The following PCDHGB6 variants were observed in gnomAD, a reference collection of about 807,000 sequenced individuals.
The protein encoded by PCDHGB6 is protocadherin gamma subfamily B, 6, also known as protocadherin gamma-B6.
In PCDHGB6, 51 loss-of-function variants were observed where a neutral mutation model predicts 59.1. The ratio of observed to expected loss-of-function variants is 0.86; its 90% CI spans 0.69 to 1.09. The LOEUF (loss-of-function observed/expected upper bound fraction) is 1.09. PCDHGB6 is among the 50% of genes least tolerant of loss of function. The pLI is 0.00. For synonymous variants in PCDHGB6, 466 were observed against 495.1 expected (o/e 0.94, Z 0.78); for missense variants, 1,148 against 1,205.1 (o/e 0.95, Z 0.70).
chr5:141,416,615 C>T (rs1156238298), intron 1 of PCDHGB6: 1 of 152,088 alleles, frequency 6.6e-6, no homozygotes, highest in Non-Finnish European at 1.5e-5. Context: ...AATGCCATTT[C>T]TGCAGATCAG....
In PCDHGB6 at chr5:141,462,383, G is replaced by A. The variant is rs78537075; in HGVS notation, c.2419-32424G>A. Among the ~76,000 whole-genome samples the A allele has an allele frequency of 5.6e-4, 85 of 151,920 alleles. 1 individual carries two copies. In the East Asian group the frequency reaches 0.016, roughly 29 times the overall value. ...GTATAGTTTCTATTCTTTTAAATTC[G>A]TTAACATTTCTTTTATGGCACAGAA... On this transcript the variant is annotated intron_variant, in intron 1 of 3. Transcript: ENST00000520790.
In PCDHGB6 at chr5:141,476,254, T is replaced by C; in HGVS notation, c.2419-18553T>C. 1.2e-6 allele frequency: 2 copies of C among 1,613,820 alleles called. No individual in the cohort carries two copies. Among genetic ancestry groups the C allele is most frequent in the Non-Finnish European group, 8.5e-7 (1 of 1,179,976 alleles). On this transcript the variant is annotated intron_variant, in intron 1 of 3. Transcript: ENST00000520790. The surrounding 1 kb of genome is among the most constrained non-coding windows in gnomAD (Gnocchi z 7.6). ...CGGAGGAAAGAGAGAAGGGTTTCGCTGTGGGCAACGTGGTCGCGAACCTTG... is the reference window on the plus strand; with the variant it reads ...CGGAGGAAAGAGAGAAGGGTTTCGCCGTGGGCAACGTGGTCGCGAACCTTG...
At position 141,432,476 on chromosome 5, in the gene PCDHGB6, A is replaced by T. The variant is rs778378071; in HGVS notation, c.2418+21856A>T. On this transcript the variant is annotated intron_variant, in intron 1 of 3. Transcript: ENST00000520790. This position sits in a 1 kb window ranked among gnomAD's most constrained non-coding sequence, Gnocchi z 6.0. ...CCCCGCCCTCCCCACGGACGGTTCC[A>T]CTGGCGTGGAGCTGGCTCCCCGCTC... 4.6e-5 allele frequency: 75 copies of T among 1,613,962 alleles called. No homozygotes were observed. In the South Asian group the frequency reaches 7.9e-4, roughly 17 times the overall value.
Position 141,410,196 on chromosome 5 carries a change from C to T in PCDHGB6, c.1994C>T (p.Ala665Val), listed in dbSNP as rs773310778. 1.9e-6 allele frequency: 3 copies of T among 1,613,984 alleles called. No homozygotes were observed. The highest frequency in any genetic ancestry group is 4.5e-5 in the East Asian group (2 of 44,870). Residue 665 changes from alanine (A) to valine (V), a missense_variant, in exon 1 of 4, where the codon GCA becomes GTA. Transcript: ENST00000520790. ...SATATLHLVF[A>V]DNLQEILPDL... is the part of the protein sequence containing the mutation. ...ACCGCCACGCTTCATCTGGTCTTCG[C>T]AGACAACTTGCAAGAGATACTGCCA...
chr5:141,423,636 C>A, intron 1 of PCDHGB6: 1 of 1,598,388 alleles, frequency 6.3e-7, no homozygotes, highest in Non-Finnish European at 8.5e-7. Context: ...TCATTTTAGG[C>A]AAATGTGACC....
chr5:141,423,078 C>A (rs752144906), intron 1 of PCDHGB6: 1 of 1,613,990 alleles, frequency 6.2e-7, no homozygotes, highest in Admixed American at 1.7e-5. Context: ...AGCCGGGACT[C>A]TTCGCGGTGG....
Position 141,408,972 on chromosome 5 carries a change from C to T in PCDHGB6, c.770C>T (p.Pro257Leu). The T allele has an allele frequency of 5.0e-6, 8 of 1,613,870 alleles. No homozygotes were observed. The highest frequency in any genetic ancestry group is 5.9e-6 in the Non-Finnish European group (7 of 1,179,868). Reference sequence around the variant, plus strand: ...ATTAGTCTTAGTGAAAATCTGCCCCCTGGGTCCCCTGTGTTGCAAGTGACA... The same window carrying T: ...ATTAGTCTTAGTGAAAATCTGCCCCTTGGGTCCCCTGTGTTGCAAGTGACA... The part of the protein sequence containing the change: ...YRISLSENLP[P>L]GSPVLQVTAT... The change falls in exon 1 of 4, where the codon CCT becomes CTT. Residue 257 changes from proline to leucine, a missense_variant. This residue lies in a region of PCDHGB6 where 307 missense variants were observed against 323.8 expected (regional missense o/e 0.95). Transcript: ENST00000520790.
Position 141,485,400 on chromosome 5 carries a change from G to A in PCDHGB6, c.2419-9407G>A. On this transcript the variant is annotated intron_variant, in intron 1 of 3. Transcript: ENST00000520790. The surrounding 1 kb of genome is among the most constrained non-coding windows in gnomAD (Gnocchi z 5.7). ...GGAGAGGTGAACCAAAGACACTTCC[G>A]TGTGGATTTGGACAGCGGAGCCCTG... is the stretch of plus-strand genomic sequence containing the variant. The A allele has an allele frequency of 6.2e-7, 1 of 1,614,076 alleles. No homozygotes were observed. The highest frequency in any genetic ancestry group is 8.5e-7 in the Non-Finnish European group (1 of 1,179,948).
At position 141,493,262 on chromosome 5, in the gene PCDHGB6, A is replaced by G. The variant is rs148431133; in HGVS notation, c.2419-1545A>G. ...GGTACTAACATGCCTCTCTTATAAC[A>G]GCTTCACAGAGGTCAAGTGACTTGC... is the stretch of plus-strand genomic sequence containing the variant. On this transcript the variant is annotated intron_variant, in intron 1 of 3. Transcript: ENST00000520790. This position sits in a 1 kb window ranked among gnomAD's most constrained non-coding sequence, Gnocchi z 4.3. 5.1e-4 allele frequency among the ~76,000 whole-genome samples: 78 copies of G among 152,302 alleles called. No homozygotes were observed. Among genetic ancestry groups the G allele is most frequent in the African/African-American group, 1.7e-3 (72 of 41,574 alleles).
In PCDHGB6 at chr5:141,486,563, G is replaced by A. The variant is rs558244990; in HGVS notation, c.2419-8244G>A. The A allele has an allele frequency of 1.2e-6, 2 of 1,614,006 alleles. No homozygotes were observed. The highest frequency in any genetic ancestry group is 1.7e-6 in the Non-Finnish European group (2 of 1,180,036). On this transcript the variant is annotated intron_variant, in intron 1 of 3. Coordinates refer to ENST00000520790, the MANE Select transcript of PCDHGB6 (RefSeq NM_018926.3). The surrounding 1 kb of genome is among the most constrained non-coding windows in gnomAD (Gnocchi z 5.0). ...CTTTCAGAGGTCACATGAGGTGTTTGTTCCTGAGAACAATCGCCCAGGGGA... is the reference window on the plus strand; with the variant it reads ...CTTTCAGAGGTCACATGAGGTGTTTATTCCTGAGAACAATCGCCCAGGGGA...
chr5:141,447,514 C>T (rs901543835), intron 1 of PCDHGB6, among the ~76,000 whole-genome samples: 20 of 152,196 alleles, frequency 1.3e-4, no homozygotes, highest in Admixed American at 8.5e-4. Context: ...AGATGCATAA[C>T]AATCATAACA....
chr5:141,503,212 C>G (rs1227936455), intron 2 of PCDHGB6, among the ~76,000 whole-genome samples: 1 of 152,074 alleles, frequency 6.6e-6, no homozygotes, highest in African/African-American at 2.4e-5. Flanking sequence ...CAGTGCCCAC[C>G]ATGAGCACCG....
chr5:141,415,873 G>A lies in PCDHGB6; in HGVS notation c.2418+5253G>A, dbSNP rs905638480. The A allele has an allele frequency of 9.6e-6, 10 of 1,046,220 alleles. No homozygotes were observed. In the East Asian group the frequency reaches 1.8e-4, roughly 19 times the overall value. The allele number at this position is 1,046,220 out of a possible 1,614,324, so 64.8% of individuals were successfully genotyped here. A position where few individuals can be genotyped will look rare whatever the true frequency, so the allele number is the denominator to read the frequency against. On this transcript the variant is annotated intron_variant, in intron 1 of 3. Transcript: ENST00000520790. ...ACCTTGTAGTTTATAGTGTTGTTGA[G>A]TACAATATTGACAATTCCTAAGACA...
rs1364068033 is a variant in PCDHGB6 at position 141,490,353 on chromosome 5, G to A, written c.2419-4454G>A. 3.1e-6 allele frequency: 5 copies of A among 1,614,090 alleles called. No individual in the cohort carries two copies. The highest frequency in any genetic ancestry group is 4.2e-6 in the Non-Finnish European group (5 of 1,180,046). On this transcript the variant is annotated intron_variant, in intron 1 of 3. Transcript: ENST00000520790. This position sits in a 1 kb window ranked among gnomAD's most constrained non-coding sequence, Gnocchi z 5.4. ...CACCAGTGGGCACAGTAGTGGGGTT[G>A]TTTAATGTGCGAGACCGGGACTCAG...
At chr5:141,412,406 G>T (rs1278637068) in intron 1 of PCDHGB6, 1 of 152,046 alleles carries the variant, frequency 6.6e-6, no homozygotes, top group African/African-American at 2.4e-5. Context: ...ATCCCTGTAA[G>T]ATAAAGTATG....
In PCDHGB6 at chr5:141,418,848, G is replaced by A. The variant is rs770294020; in HGVS notation, c.2418+8228G>A. 20 of 1,613,836 alleles carry A rather than the reference G, an allele frequency of 1.2e-5. No individual in the cohort carries two copies. Among genetic ancestry groups the A allele is most frequent in the South Asian group, 6.6e-5 (6 of 91,080 alleles). ...AAAGACCGAGGATCTCTCTCAACAC[G>A]GTGTAAAGTAATTGTAGAAGTTGTA... On this transcript the variant is annotated intron_variant, in intron 1 of 3. Coordinates refer to ENST00000520790, the MANE Select transcript of PCDHGB6 (RefSeq NM_018926.3).
rs757410882 is a variant in PCDHGB6 at position 141,421,504 on chromosome 5, C to T, written c.2418+10884C>T. 8 of 1,614,062 alleles carry T rather than the reference C, an allele frequency of 5.0e-6. No homozygotes were observed. The highest frequency in any genetic ancestry group is 3.3e-5 in the South Asian group (3 of 91,088). ...CTTGATCACGGCAGGCAGGATAGACCGGGAGGAGCTCTGTGAGACGGTGTC... is the reference window on the plus strand; with the variant it reads ...CTTGATCACGGCAGGCAGGATAGACTGGGAGGAGCTCTGTGAGACGGTGTC... On this transcript the variant is annotated intron_variant, in intron 1 of 3. Transcript: ENST00000520790.
chr5:141,455,859 TATTA>T (rs2098833777), intron 1 of PCDHGB6, among the ~76,000 whole-genome samples: 1 of 143,846 alleles, frequency 7.0e-6, no homozygotes, highest in African/African-American at 2.5e-5. Flanking sequence ...TAATTTCTTT[TATTA>T]TTTATTTATT....
chr5:141,412,534 A>G (rs1324712420), intron 1 of PCDHGB6: 1 of 152,192 alleles, frequency 6.6e-6, no homozygotes, highest in African/African-American at 2.4e-5. Context: ...ACAATTATAA[A>G]GCTTCAGAGT....
Sources: allele counts gnomAD v4.1 joint callset (sites outside exome capture counted in the v4.1 genomes callset), GRCh38; gene constraint gnomAD v4.1.1; regional missense constraint gnomAD v4.1.1; non-coding constraint Gnocchi (gnomAD v3.1); transcripts MANE v1.5; gene names NCBI Gene and HGNC (gene_info 2026-07-23, HGNC 2026-07-21).